P3H2: variants seen among roughly 807,000 people sequenced by gnomAD.
P3H2 encodes the protein leprecan-like 1.
A neutral mutation model predicts 87.0 loss-of-function variants in P3H2; 80 were observed. The observed-to-expected ratio is 0.92, with a 90% CI of 0.77 to 1.11. The LOEUF (loss-of-function observed/expected upper bound fraction) is 1.11. P3H2 is among the 50% of genes least tolerant of loss of function. P3H2 has a pLI of 0.00. For synonymous variants in P3H2, 367 were observed against 359.3 expected (o/e 1.02, Z -0.24); for missense variants, 1,001 against 923.9 (o/e 1.08, Z -1.08).
chr3:190,049,622 C>T (rs930917182), intron 1 of P3H2, among the ~76,000 whole-genome samples: 7 of 152,000 alleles, frequency 4.6e-5, no homozygotes, highest in African/African-American at 1.7e-4. Context: ...ATTTATTGGC[C>T]TTCATAAAAA....
chr3:190,082,788 G>A (rs1727085476), intron 1 of P3H2, among the ~76,000 whole-genome samples: 1 of 151,974 alleles, frequency 6.6e-6, no homozygotes, highest in African/African-American at 2.4e-5. Context: ...CAACAGAGGT[G>A]GGTTTTTTTT....
intron 14 of P3H2, among the ~76,000 whole-genome samples, chr3:189,959,839 C>T (rs1577239289): frequency 6.7e-6 from 1 of 150,314 alleles, no homozygotes; most frequent in Non-Finnish European, 1.5e-5. Context: ...TATCCTGTAA[C>T]TCTCCAGGAC....
intron 1 of P3H2, among the ~76,000 whole-genome samples, chr3:190,078,282 T>C (rs904155136): frequency 1.3e-5 from 2 of 152,334 alleles, no homozygotes; most frequent in South Asian, 2.1e-4. Flanking sequence ...TAGCATTTGA[T>C]AGTCACTTGA....
intron 1 of P3H2, among the ~76,000 whole-genome samples, chr3:190,086,733 G>A (rs1727224614): frequency 6.6e-6 from 1 of 152,156 alleles, no homozygotes; most frequent in African/African-American, 2.4e-5. Flanking sequence ...ACTCCATGAA[G>A]ATCTGAAAGA....
intron 1 of P3H2, among the ~76,000 whole-genome samples, chr3:190,026,756 C>T (rs561370527): frequency 6.6e-6 from 1 of 152,198 alleles, no homozygotes; most frequent in East Asian, 1.9e-4. Context: ...TGCGGGAGAT[C>T]CAAGAACCCT....
At chr3:190,097,598 T>C (rs1019741054) in intron 1 of P3H2, among the ~76,000 whole-genome samples, 2 of 151,444 alleles carry the variant, frequency 1.3e-5, no homozygotes, top group Non-Finnish European at 3.0e-5. Flanking sequence ...CTACAAAGTC[T>C]TACTTGAAAA....
At chr3:190,101,706 G>A (rs1217795575) in intron 1 of P3H2, among the ~76,000 whole-genome samples, 1 of 152,178 alleles carries the variant, frequency 6.6e-6, no homozygotes, top group Non-Finnish European at 1.5e-5. Context: ...TAATGTGGAA[G>A]CTGCAACAAG....
intron 1 of P3H2, among the ~76,000 whole-genome samples, chr3:190,119,467 A>G (rs1712445568): frequency 6.6e-6 from 1 of 152,174 alleles, no homozygotes; most frequent in Non-Finnish European, 1.5e-5. Context: ...AAAGTTATGG[A>G]TGTGAACAAT....
chr3:190,000,442 C>T (rs1724175350), intron 1 of P3H2, among the ~76,000 whole-genome samples: 1 of 152,186 alleles, frequency 6.6e-6, no homozygotes. Context: ...TTGACATTCT[C>T]ATAGAAGGGG....
intron 1 of P3H2, among the ~76,000 whole-genome samples, chr3:190,074,912 C>T (rs559861014): frequency 5.3e-5 from 8 of 152,306 alleles, no homozygotes; most frequent in African/African-American, 1.4e-4. Context: ...GTTCAGTCTA[C>T]GATCACTTCT....
chr3:190,019,563 T>TAGGTGACTGCTGGTCCCCTC (rs1225429965), intron 1 of P3H2, among the ~76,000 whole-genome samples: 3 of 135,846 alleles, frequency 2.2e-5, no homozygotes, highest in Non-Finnish European at 3.3e-5. Flanking sequence ...ATGCTCATTA[T>TAGGTGACTGCTGGTCCCCTC]CGTTTCTATT....
chr3:189,966,777 G>A (rs1010519639), intron 13 of P3H2, among the ~76,000 whole-genome samples: 3 of 152,136 alleles, frequency 2.0e-5, no homozygotes, highest in East Asian at 1.9e-4. Context: ...AACAAATGCC[G>A]CTATTGAAAA....
intron 1 of P3H2, among the ~76,000 whole-genome samples, chr3:190,119,360 G>A (rs1357326808): frequency 6.6e-6 from 1 of 152,152 alleles, no homozygotes; most frequent in African/African-American, 2.4e-5. Context: ...AGAAAGAAGG[G>A]TTAAGAGTGT....
At chr3:190,045,688 T>C (rs893827595) in intron 1 of P3H2, among the ~76,000 whole-genome samples, 4 of 152,130 alleles carry the variant, frequency 2.6e-5, no homozygotes, top group Admixed American at 2.0e-4. Context: ...CAGAGTATTT[T>C]AGATAATCCT....
At chr3:190,035,972 T>A (rs1359544044) in intron 1 of P3H2, among the ~76,000 whole-genome samples, 12 of 152,140 alleles carry the variant, frequency 7.9e-5, no homozygotes, top group Admixed American at 7.9e-4. Context: ...CAGTGAAGGG[T>A]CCCTGGAAAC....
intron 1 of P3H2, among the ~76,000 whole-genome samples, chr3:190,041,067 CACACACACACACA>C (rs1486034941): frequency 2.3e-5 from 1 of 43,440 alleles, no homozygotes; most frequent in African/African-American, 1.2e-4. Context: ...CACACACACA[CACACACACACACA>C]CTCTCTCTCT....
chr3:190,022,527 C>CT lies in P3H2; in HGVS notation c.481-27086dup, dbSNP rs1274149202. On this transcript the variant is annotated intron_variant, in intron 1 of 14. Transcript: ENST00000319332. Reference sequence around the variant, plus strand: ...TTTATACAGAATAAACTTGTATATACTTTTTTATTTAACATATTATCCTCC... The same window carrying CT: ...TTTATACAGAATAAACTTGTATATACTTTTTTTATTTAACATATTATCCTCC... Among the ~76,000 whole-genome samples, 3 of 134,816 alleles carry CT rather than the reference C, an allele frequency of 2.2e-5. 1 individual carries two copies. The highest frequency in any genetic ancestry group is 7.7e-5 in the African/African-American group (3 of 38,982). The allele number at this position is 134,816 out of a possible 152,430, so 88.4% of individuals were successfully genotyped here. A position where few individuals can be genotyped will look rare whatever the true frequency, so the allele number is the denominator to read the frequency against.
chr3:190,107,200 C>T (rs1051535219), intron 1 of P3H2, among the ~76,000 whole-genome samples: 8 of 152,092 alleles, frequency 5.3e-5, no homozygotes, highest in Admixed American at 3.9e-4. Context: ...AAACATTTTT[C>T]GTTATTAGTT....
At chr3:190,086,580 T>A (rs775408487) in intron 1 of P3H2, among the ~76,000 whole-genome samples, 1 of 152,062 alleles carries the variant, frequency 6.6e-6, no homozygotes, top group Non-Finnish European at 1.5e-5. Context: ...TGTGTTAGAG[T>A]TTCAGCATAC....
Sources: allele counts gnomAD v4.1 joint callset (sites outside exome capture counted in the v4.1 genomes callset), GRCh38; gene constraint gnomAD v4.1.1; transcripts MANE v1.5; gene names NCBI Gene and HGNC (gene_info 2026-07-23, HGNC 2026-07-21).